The following FBXO31 variants were observed in gnomAD, a reference collection of about 807,000 sequenced individuals.
The protein encoded by FBXO31 is F-box protein 31.
FBXO31 carries 24 observed loss-of-function variants against 54.4 expected under a neutral mutation model. That is an observed-to-expected ratio of 0.44 (90% confidence interval 0.32 to 0.62). The LOEUF is 0.62. Among genes scored for constraint, FBXO31 ranks in the 20% least tolerant of loss-of-function variants. The pLI is 0.05. For synonymous variants in FBXO31, 388 were observed against 335.6 expected (o/e 1.16, Z -1.71); for missense variants, 665 against 787.1 (o/e 0.84, Z 1.86).
chr16:87,333,833 G>A (rs1276440975), intron 8 of FBXO31, 53 bp downstream of exon 8: 13 of 1,535,550 alleles, frequency 8.5e-6, no homozygotes, highest in East Asian at 4.6e-5. Context: ...TGGGGCCCTC[G>A]CTGAAGCCCA....
chr16:87,350,030 T>C (rs1371271211), intron 2 of FBXO31, among the ~76,000 whole-genome samples: 1 of 152,158 alleles, frequency 6.6e-6, no homozygotes, highest in African/African-American at 2.4e-5. Context: ...ACATGCACAG[T>C]CCACATGTTG....
intron 2 of FBXO31, among the ~76,000 whole-genome samples, chr16:87,356,706 A>G (rs2030272467): frequency 6.6e-6 from 1 of 152,174 alleles, no homozygotes; most frequent in Non-Finnish European, 1.5e-5. Context: ...ATTAGGTGAA[A>G]TTACTCTTTC....
chr16:87,390,794 G>T (rs892513151), upstream of FBXO31, among the ~76,000 whole-genome samples: 2 of 151,860 alleles, frequency 1.3e-5, no homozygotes, highest in Admixed American at 6.6e-5. Flanking sequence ...ACGGGGTCTT[G>T]CTATGTTGCC....
At chr16:87,362,177 T>C (rs1025239814) in intron 1 of FBXO31, among the ~76,000 whole-genome samples, 1 of 152,142 alleles carries the variant, frequency 6.6e-6, no homozygotes, top group African/African-American at 2.4e-5. Flanking sequence ...GAGCCACAAA[T>C]AGCATTCACA....
chr16:87,344,051 A>G (rs748865081), intron 3 of FBXO31, among the ~76,000 whole-genome samples: 11 of 152,350 alleles, frequency 7.2e-5, no homozygotes, highest in East Asian at 3.9e-4. Context: ...AGAGTGAACA[A>G]CAGCAGTGCA....
At chr16:87,332,671 C>G (rs1464595068) in intron 8 of FBXO31, among the ~76,000 whole-genome samples, 1 of 150,112 alleles carries the variant, frequency 6.7e-6, no homozygotes, top group Non-Finnish European at 1.5e-5. Flanking sequence ...CTTCCCCCCA[C>G]CCAGACATCC....
At chr16:87,359,345 G>C (rs571899244) in intron 2 of FBXO31, among the ~76,000 whole-genome samples, 1 of 152,260 alleles carries the variant, frequency 6.6e-6, no homozygotes, top group African/African-American at 2.4e-5. Flanking sequence ...CACAGGACAG[G>C]AGGACTCAGT....
At chr16:87,386,112 G>A (rs1377617800), upstream of FBXO31, 1 of 150,626 alleles carries the variant, frequency 6.6e-6, no homozygotes, top group African/African-American at 2.5e-5. Flanking sequence ...ACAGACGATG[G>A]TGAGAAGGAG....
chr16:87,351,952 G>A (rs1235074138), intron 2 of FBXO31, among the ~76,000 whole-genome samples: 4 of 152,126 alleles, frequency 2.6e-5, no homozygotes, highest in Non-Finnish European at 5.9e-5. Context: ...CCCTGACTGC[G>A]CGTCAGAATC....
intron 8 of FBXO31, 80 bp from the exon 9 acceptor site, chr16:87,331,590 C>T (rs940325889): frequency 5.1e-6 from 6 of 1,172,118 alleles, no homozygotes; most frequent in South Asian, 3.0e-5. Flanking sequence ...TCTGCGACCC[C>T]GCTCTGTGCC....
At chr16:87,337,247 A>G (rs1346427957) in intron 5 of FBXO31, among the ~76,000 whole-genome samples, 1 of 152,276 alleles carries the variant, frequency 6.6e-6, no homozygotes, top group East Asian at 1.9e-4. Flanking sequence ...TACGTTTAAG[A>G]TCTATTCTGA....
rs1370995860 is a variant in FBXO31, at chr16:87,345,613, T to G, written c.489+1561A>C. Among the ~76,000 whole-genome samples, 1 of 152,052 alleles carries G rather than the reference T, an allele frequency of 6.6e-6. No individual in the cohort carries two copies. Among genetic ancestry groups the G allele is most frequent in the Admixed American group, 6.5e-5 (1 of 15,272 alleles). On this transcript the variant is annotated intron_variant, in intron 3 of 8. Transcript: ENST00000311635. This position sits in a 1 kb window ranked among gnomAD's most constrained non-coding sequence, Gnocchi z 4.9. ...CCCAGAGCTCATATCAAACCTGCCC[T>G]CCTGCTGAGACCAGCCACGAAGACT...
At chr16:87,332,177 A>G (rs1904882557) in intron 8 of FBXO31, among the ~76,000 whole-genome samples, 1 of 152,200 alleles carries the variant, frequency 6.6e-6, no homozygotes, top group Non-Finnish European at 1.5e-5. Context: ...CTGGCCTCAG[A>G]GGGCTTCTCA....
chr16:87,365,885 G>A (rs1465736177), intron 1 of FBXO31, among the ~76,000 whole-genome samples: 4 of 152,052 alleles, frequency 2.6e-5, no homozygotes, highest in Non-Finnish European at 5.9e-5. Context: ...AAAATTAGCC[G>A]GGTGTGGTGG....
upstream of FBXO31, among the ~76,000 whole-genome samples, chr16:87,388,057 G>A (rs1907386177): frequency 6.6e-6 from 1 of 152,196 alleles, no homozygotes; most frequent in Admixed American, 6.6e-5. Context: ...CAGTCCTACA[G>A]AATTTGTTTA....
intron 1 of FBXO31, among the ~76,000 whole-genome samples, chr16:87,369,430 G>A (rs964788091): frequency 6.6e-6 from 1 of 152,210 alleles, no homozygotes; most frequent in Non-Finnish European, 1.5e-5. Flanking sequence ...CCAAGTGGAA[G>A]CATGCCGTAC....
chr16:87,334,343 G>A, intron 7 of FBXO31, 57 bp from the exon 8 acceptor site: 1 of 1,480,448 alleles, frequency 6.8e-7, no homozygotes, highest in East Asian at 2.3e-5. Context: ...CAGTACCACT[G>A]TGTGGGCTCC....
intron 1 of FBXO31, among the ~76,000 whole-genome samples, chr16:87,362,375 T>C (rs976676829): frequency 1.3e-5 from 2 of 152,006 alleles, no homozygotes; most frequent in African/African-American, 2.4e-5. Context: ...AGGTAAAACA[T>C]ACATACATAC....
At position 87,329,511 on chromosome 16, in the gene FBXO31, T is replaced by A. The variant is rs1479193739; in HGVS notation, c.*1777A>T. 1 of 152,290 alleles carries A rather than the reference T, an allele frequency of 6.6e-6. No homozygotes were observed. Among genetic ancestry groups the A allele is most frequent in the African/African-American group, 2.4e-5 (1 of 41,466 alleles). The allele number at this position is 152,290 out of a possible 1,614,324, so 9.4% of individuals were successfully genotyped here. ...TGAATCTTCAAGGTGCCAGTCTACA[T>A]GCCCAACAGTCCTCCAGGCTTCAAG... On this transcript the variant is annotated 3_prime_UTR_variant, in exon 9 of 9. Coordinates refer to ENST00000311635, the MANE Select transcript of FBXO31 (RefSeq NM_024735.5).
Sources: allele counts gnomAD v4.1 joint callset (sites outside exome capture counted in the v4.1 genomes callset), GRCh38; gene constraint gnomAD v4.1.1; non-coding constraint Gnocchi (gnomAD v3.1); transcripts MANE v1.5; gene names NCBI Gene and HGNC (gene_info 2026-07-23, HGNC 2026-07-21).